The following CACNA1C variants were observed in gnomAD, a reference collection of about 807,000 sequenced individuals.
CACNA1C encodes the protein voltage-dependent L-type calcium channel subunit alpha-1C.
A neutral mutation model predicts 229.0 loss-of-function variants in CACNA1C; 30 were observed. The observed-to-expected ratio is 0.13, with a 90% CI of 0.10 to 0.18. CACNA1C has a LOEUF of 0.18. Among genes scored for constraint, CACNA1C ranks in the 10% least tolerant of loss-of-function variants. CACNA1C has a pLI of 1.00. For synonymous variants in CACNA1C, 1,114 were observed against 1,132.5 expected (o/e 0.98, Z 0.33); for missense variants, 1,658 against 2,845.0 (o/e 0.58, Z 9.49).
chr12:2,450,471 G>A (rs528107747), intron 4 of CACNA1C, among the ~76,000 whole-genome samples: 30 of 141,516 alleles, frequency 2.1e-4, no homozygotes, highest in Admixed American at 3.6e-4. Flanking sequence ...GGAGAATGGC[G>A]TGAACCCGGG....
intron 3 of CACNA1C, among the ~76,000 whole-genome samples, chr12:2,311,448 C>T (rs895399738): frequency 1.3e-5 from 2 of 152,174 alleles, no homozygotes; most frequent in African/African-American, 4.8e-5. Flanking sequence ...TGCAGGGACC[C>T]TTGATTTTCA....
chr12:2,436,102 G>A (rs1403682954), intron 3 of CACNA1C, among the ~76,000 whole-genome samples: 1 of 152,182 alleles, frequency 6.6e-6, no homozygotes, highest in African/African-American at 2.4e-5. Flanking sequence ...AGTGAGAGTT[G>A]GGAGAAGACA....
At chr12:2,128,371 A>C (rs1288778873) in intron 3 of CACNA1C, among the ~76,000 whole-genome samples, 3 of 152,204 alleles carry the variant, frequency 2.0e-5, no homozygotes, top group Non-Finnish European at 4.4e-5. Context: ...TTGCAAAATA[A>C]ATTCAGTAAG....
intron 29 of CACNA1C, among the ~76,000 whole-genome samples, chr12:2,625,825 G>A (rs1036290740): frequency 6.6e-6 from 1 of 151,978 alleles, no homozygotes; most frequent in Admixed American, 6.6e-5. Context: ...AGATATAGTG[G>A]CACACACCTG....
chr12:2,566,918 A>G lies in CACNA1C; in HGVS notation c.1669+336A>G, dbSNP rs2051288520. On this transcript the variant is annotated intron_variant, in intron 12 of 46. Coordinates refer to ENST00000399655, the MANE Select transcript of CACNA1C (RefSeq NM_000719.7). The surrounding 1 kb of genome is among the most constrained non-coding windows in gnomAD (Gnocchi z 4.0). ...GCCAACTCCCCAGCATGGATTTTAA[A>G]TACCTGGGGGCCTTCCTACAGCCCT... 6.6e-6 allele frequency among the ~76,000 whole-genome samples: 1 copy of G among 152,218 alleles called. No individual in the cohort carries two copies. The highest frequency in any genetic ancestry group is 6.5e-5 in the Admixed American group (1 of 15,288).
At chr12:2,441,776 T>A (rs2099229756) in intron 3 of CACNA1C, among the ~76,000 whole-genome samples, 1 of 152,242 alleles carries the variant, frequency 6.6e-6, no homozygotes, top group Non-Finnish European at 1.5e-5. Flanking sequence ...TAGCTGCTGC[T>A]GCTTTTTGTG....
chr12:2,522,684 G>A (rs1304327111), intron 9 of CACNA1C, among the ~76,000 whole-genome samples: 1 of 152,176 alleles, frequency 6.6e-6, no homozygotes, highest in African/African-American at 2.4e-5. Flanking sequence ...TTCTGAGTTT[G>A]GATCATGGAT....
rs1359577507 is a variant in CACNA1C at position 2,633,207 on chromosome 12, C to G, written c.3829-1090C>G. 6.6e-6 allele frequency among the ~76,000 whole-genome samples: 1 copy of G among 152,202 alleles called. No homozygotes were observed. The highest frequency in any genetic ancestry group is 1.5e-5 in the Non-Finnish European group (1 of 68,042). ...GGGGTCACACACCTGTGTTCCCTCC[C>G]TCCAGACAGGCCCTTCTGCTGGAAG... On this transcript the variant is annotated intron_variant, in intron 29 of 46. Transcript: ENST00000399655. The surrounding 1 kb of genome is among the most constrained non-coding windows in gnomAD (Gnocchi z 5.8).
chr12:2,438,847 T>G (rs980563319), intron 3 of CACNA1C, among the ~76,000 whole-genome samples: 3 of 152,076 alleles, frequency 2.0e-5, no homozygotes, highest in Non-Finnish European at 4.4e-5. Flanking sequence ...GACAGGATCC[T>G]GTTCCCTGGG....
rs2097301011 is a variant in CACNA1C, at chr12:2,354,574, T to C, written c.478-94402T>C. On this transcript the variant is annotated intron_variant, in intron 3 of 46. Coordinates refer to ENST00000399655, the MANE Select transcript of CACNA1C (RefSeq NM_000719.7). This position sits in a 1 kb window ranked among gnomAD's most constrained non-coding sequence, Gnocchi z 4.6. ...ATGCCTTTCCGCATGCATGCTCTCC[T>C]AGCTATGCTTGTAAGAAGTGCGTGC... Among the ~76,000 whole-genome samples, 1 of 152,158 alleles carries C rather than the reference T, an allele frequency of 6.6e-6. No homozygotes were observed. Among genetic ancestry groups the C allele is most frequent in the Non-Finnish European group, 1.5e-5 (1 of 68,024 alleles).
At chr12:2,240,165 C>T (rs758026062) in intron 3 of CACNA1C, among the ~76,000 whole-genome samples, 1 of 152,174 alleles carries the variant, frequency 6.6e-6, no homozygotes, top group South Asian at 2.1e-4. Flanking sequence ...TCAGGATGGT[C>T]GCTCTTTGCT....
chr12:2,200,960 A>G (rs749564989), intron 3 of CACNA1C, among the ~76,000 whole-genome samples: 3 of 152,250 alleles, frequency 2.0e-5, no homozygotes, highest in Non-Finnish European at 2.9e-5. Context: ...CAATGAAGGT[A>G]GCCTAGACAT....
chr12:2,682,124 AG>A, intron 42 of CACNA1C: 1 of 910,986 alleles, frequency 1.1e-6, no homozygotes, highest in East Asian at 2.4e-5. Flanking sequence ...TCAAAATAAG[AG>A]GCCAAGGACT....
intron 3 of CACNA1C, among the ~76,000 whole-genome samples, chr12:2,347,526 G>A (rs747758258): frequency 6.6e-6 from 1 of 152,202 alleles, no homozygotes; most frequent in African/African-American, 2.4e-5. Context: ...AAGTTGGCAG[G>A]CTCTAGGCCT....
intron 30 of CACNA1C, among the ~76,000 whole-genome samples, chr12:2,643,679 G>A (rs1040565788): frequency 2.0e-5 from 3 of 152,128 alleles, no homozygotes; most frequent in Non-Finnish European, 2.9e-5. Flanking sequence ...ATTTCTCCTG[G>A]TGGGAAGGGG....
At position 2,679,389 on chromosome 12, in the gene CACNA1C, TG is replaced by T; in HGVS notation, c.5092-52del. The T allele has an allele frequency of 7.6e-7, 1 of 1,311,826 alleles. No homozygotes were observed. 81.3% of individuals were successfully genotyped at this position (1,311,826 alleles called of 1,614,324 possible). A position where few individuals can be genotyped will look rare whatever the true frequency, so the allele number is the denominator to read the frequency against. ...TGACCTGGCTGTGGAGGCTGCTCTC[TG>T]GGAGGAGTGGGTGCTAAGGGGCTTC... On this transcript the variant is annotated intron_variant, in intron 41 of 46. Coordinates refer to ENST00000399655, the MANE Select transcript of CACNA1C (RefSeq NM_000719.7). This position sits in a 1 kb window ranked among gnomAD's most constrained non-coding sequence, Gnocchi z 5.5.
intron 3 of CACNA1C, among the ~76,000 whole-genome samples, chr12:2,394,109 C>CAAA (rs60498219): frequency 1.8e-5 from 2 of 113,268 alleles, no homozygotes; most frequent in Non-Finnish European, 3.7e-5. Flanking sequence ...TGTCTCTAAA[C>CAAA]AAAAAAAAAA....
intron 1 of CACNA1C, among the ~76,000 whole-genome samples, chr12:2,079,552 G>A (rs992166767): frequency 1.3e-5 from 2 of 152,118 alleles, no homozygotes; most frequent in South Asian, 2.1e-4. Flanking sequence ...CCACTCATGA[G>A]GAACCATCTT....
In CACNA1C at chr12:2,608,374, G is replaced by A. The variant is rs1009046637; in HGVS notation, c.3357-137G>A. On this transcript the variant is annotated intron_variant, in intron 26 of 46. Coordinates refer to ENST00000399655, the MANE Select transcript of CACNA1C (RefSeq NM_000719.7). This position sits in a 1 kb window ranked among gnomAD's most constrained non-coding sequence, Gnocchi z 4.2. ...TTGCCCAAGGTCACACAGCCAGTAAGAGGCCGAGCTGGGACTCCAGCCCAG... is the reference window on the plus strand; with the variant it reads ...TTGCCCAAGGTCACACAGCCAGTAAAAGGCCGAGCTGGGACTCCAGCCCAG... The A allele has an allele frequency of 3.3e-6, 2 of 605,122 alleles. No homozygotes were observed. Among genetic ancestry groups the A allele is most frequent in the Non-Finnish European group, 5.7e-6 (2 of 350,314 alleles). The allele number at this position is 605,122 out of a possible 1,614,324, so 37.5% of individuals were successfully genotyped here. A position where few individuals can be genotyped will look rare whatever the true frequency, so the allele number is the denominator to read the frequency against.
Sources: allele counts gnomAD v4.1 joint callset (sites outside exome capture counted in the v4.1 genomes callset), GRCh38; gene constraint gnomAD v4.1.1; non-coding constraint Gnocchi (gnomAD v3.1); transcripts MANE v1.5; gene names NCBI Gene and HGNC (gene_info 2026-07-23, HGNC 2026-07-21).